The following MORC1 variants were observed in gnomAD, a reference collection of about 807,000 sequenced individuals.
MORC1 encodes MORC family CW-type zinc finger 1.
MORC1 carries 59 observed loss-of-function variants against 134.9 expected under a neutral mutation model. The ratio of observed to expected loss-of-function variants is 0.44; its 90% CI spans 0.35 to 0.54. The LOEUF (loss-of-function observed/expected upper bound fraction) is 0.54, where lower values mean the gene tolerates loss of function less well. MORC1 is among the 20% of genes least tolerant of loss of function. The pLI is 0.00. For synonymous variants in MORC1, 395 were observed against 391.7 expected, an observed-to-expected ratio of 1.01 and a Z score of -0.10; for missense variants, 947 against 1,134.5, an observed-to-expected ratio of 0.83 and a Z score of 2.37.
chr3:109,064,413 G>A (rs752071161), intron 9 of MORC1, among the ~76,000 whole-genome samples: 12 of 152,006 alleles, frequency 7.9e-5, no homozygotes, highest in Admixed American at 2.0e-4. Context: ...ACCTTTCAAG[G>A]CTTTGTGCTG....
At chr3:109,061,495 A>G (rs548470703) in intron 11 of MORC1, among the ~76,000 whole-genome samples, 2 of 152,316 alleles carry the variant, frequency 1.3e-5, no homozygotes, top group African/African-American at 4.8e-5. Flanking sequence ...GTAAGCTGGA[A>G]GCATTCTTAT....
chr3:109,092,730 C>T (rs1210515309), intron 8 of MORC1, among the ~76,000 whole-genome samples: 3 of 151,894 alleles, frequency 2.0e-5, no homozygotes, highest in African/African-American at 7.3e-5. Context: ...AAATATGTCC[C>T]TCGTTGTGGC....
At chr3:108,993,164 T>A (rs1189067012) in intron 21 of MORC1, among the ~76,000 whole-genome samples, 1 of 152,206 alleles carries the variant, frequency 6.6e-6, no homozygotes, top group South Asian at 2.1e-4. Context: ...CTCATGGTGT[T>A]GTAAAACTGT....
At chr3:108,985,844 A>G (rs905110831) in intron 22 of MORC1, among the ~76,000 whole-genome samples, 11 of 152,186 alleles carry the variant, frequency 7.2e-5, no homozygotes, top group African/African-American at 2.7e-4. Context: ...ACTGTCTATA[A>G]AAGATTGGCT....
rs368896134 is a variant in MORC1, at chr3:109,041,375, A to G, written c.1331-5907T>C. ...TGAACACAGAAGTGAACTTTAATAC[A>G]GAATAATGAAAACTAAGTCTAATGA... On this transcript the variant is annotated intron_variant, in intron 14 of 27. Coordinates refer to ENST00000232603, the MANE Select transcript of MORC1 (RefSeq NM_014429.4). Among the ~76,000 whole-genome samples, 88 of 152,200 alleles carry G rather than the reference A, an allele frequency of 5.8e-4. 1 individual carries two copies. Among genetic ancestry groups the G allele is most frequent in the South Asian group, 2.5e-3 (12 of 4,814 alleles).
chr3:109,115,986 G>A (rs376058029), intron 1 of MORC1, among the ~76,000 whole-genome samples: 1 of 152,156 alleles, frequency 6.6e-6, no homozygotes, highest in Non-Finnish European at 1.5e-5. Context: ...GCAGAGTACG[G>A]TAGAAACTTT....
chr3:109,034,061 G>A (rs544151744), intron 15 of MORC1, among the ~76,000 whole-genome samples: 46 of 152,166 alleles, frequency 3.0e-4, no homozygotes, highest in African/African-American at 1.0e-3. Flanking sequence ...TACCTTCTAA[G>A]TAACTGTCTT....
At chr3:108,980,789 G>T (rs938601988) in intron 23 of MORC1, among the ~76,000 whole-genome samples, 1 of 152,192 alleles carries the variant, frequency 6.6e-6, no homozygotes, top group African/African-American at 2.4e-5. Context: ...AGTAAGTTGA[G>T]AGAAATACTT....
At chr3:109,070,751 A>T (rs1311532511) in intron 8 of MORC1, among the ~76,000 whole-genome samples, 1 of 152,228 alleles carries the variant, frequency 6.6e-6, no homozygotes, top group African/African-American at 2.4e-5. Context: ...ACTCAGTAAG[A>T]CAGGCAGAGC....
chr3:109,009,621 C>T (rs1373307251), intron 17 of MORC1, among the ~76,000 whole-genome samples: 1 of 152,202 alleles, frequency 6.6e-6, no homozygotes, highest in East Asian at 1.9e-4. Context: ...TTTACTTCAT[C>T]ACCTGAAGCT....
intron 16 of MORC1, among the ~76,000 whole-genome samples, chr3:109,031,626 T>C (rs1576653856): frequency 6.6e-6 from 1 of 152,106 alleles, no homozygotes; most frequent in South Asian, 2.1e-4. Context: ...CATACATAGG[T>C]TTCTTAGCCT....
intron 8 of MORC1, among the ~76,000 whole-genome samples, chr3:109,091,721 C>T (rs4075512): frequency 0.88 from 134,028 of 152,148 alleles, 59,110 homozygotes; most frequent in East Asian, 0.93. Flanking sequence ...ACAGTGATTC[C>T]TCCTTATAAA....
intron 21 of MORC1, among the ~76,000 whole-genome samples, chr3:109,000,248 C>T (rs1455548430): frequency 6.6e-6 from 1 of 152,038 alleles, no homozygotes; most frequent in Non-Finnish European, 1.5e-5. Context: ...TTCACAATGA[C>T]CTTCAAGTTA....
intron 21 of MORC1, among the ~76,000 whole-genome samples, chr3:108,997,252 G>T (rs1948259889): frequency 6.6e-6 from 1 of 152,148 alleles, no homozygotes; most frequent in Non-Finnish European, 1.5e-5. Flanking sequence ...GCTTCAACAA[G>T]GCTGGGCATG....
At chr3:109,018,416 C>A (rs909504851) in intron 17 of MORC1, among the ~76,000 whole-genome samples, 3 of 152,076 alleles carry the variant, frequency 2.0e-5, no homozygotes, top group Admixed American at 1.3e-4. Context: ...GGAATAAAAT[C>A]TGGGACCACA....
chr3:109,104,559 C>T (rs1950987171), intron 3 of MORC1, among the ~76,000 whole-genome samples: 1 of 152,084 alleles, frequency 6.6e-6, no homozygotes, highest in Admixed American at 6.6e-5. Context: ...GGTGTGGTGA[C>T]TTATGCCTAT....
chr3:109,004,964 T>G, intron 19 of MORC1, 76 bp from the exon 20 acceptor site: 1 of 1,576,078 alleles, frequency 6.3e-7, no homozygotes, highest in Non-Finnish European at 8.6e-7. Context: ...GCAATGTATA[T>G]TTTATAATTA....
At chr3:108,968,197 C>T (rs1402256581) in intron 26 of MORC1, among the ~76,000 whole-genome samples, 1 of 152,308 alleles carries the variant, frequency 6.6e-6, no homozygotes, top group African/African-American at 2.4e-5. Flanking sequence ...TGACAAGTAA[C>T]TCTTCAAACT....
intron 14 of MORC1, among the ~76,000 whole-genome samples, chr3:109,051,443 C>T (rs934704170): frequency 3.3e-5 from 5 of 152,156 alleles, no homozygotes; most frequent in Non-Finnish European, 5.9e-5. Context: ...TGGGCAAAGA[C>T]CTTGAAGGTC....
Sources: allele counts gnomAD v4.1 joint callset (sites outside exome capture counted in the v4.1 genomes callset), GRCh38; gene constraint gnomAD v4.1.1; transcripts MANE v1.5; gene names NCBI Gene and HGNC (gene_info 2026-07-23, HGNC 2026-07-21).